SLC2A13: variants seen among roughly 807,000 people sequenced by gnomAD.
The protein encoded by SLC2A13 is solute carrier family 2 member 13, also known as proton myo-inositol cotransporter.
Under a neutral mutation model 64.4 loss-of-function variants are expected in SLC2A13, and 32 were observed. That is an observed-to-expected ratio of 0.50 (90% confidence interval 0.37 to 0.67). SLC2A13 has a LOEUF of 0.67. SLC2A13 is among the 30% of genes least tolerant of loss of function. The pLI, the probability that SLC2A13 is intolerant of heterozygous loss-of-function variation, is 0.00. For synonymous variants in SLC2A13, 338 were observed against 327.1 expected (o/e 1.03, Z -0.36); for missense variants, 743 against 829.2 (o/e 0.90, Z 1.28).
At chr12:40,038,913 AGTT>A (rs1429035234) in intron 2 of SLC2A13, among the ~76,000 whole-genome samples, 4 of 146,886 alleles carry the variant, frequency 2.7e-5, no homozygotes, top group Non-Finnish European at 6.0e-5. Flanking sequence ...TCTTTTATCT[AGTT>A]GTTCTATCGT....
chr12:39,979,618 A>G (rs1161008570), intron 3 of SLC2A13, among the ~76,000 whole-genome samples: 2 of 136,196 alleles, frequency 1.5e-5, no homozygotes, highest in African/African-American at 2.8e-5. Context: ...AGGGAAGTTT[A>G]GAGAAAAAAG....
chr12:39,834,349 G>C (rs747114384), intron 6 of SLC2A13, among the ~76,000 whole-genome samples: 3 of 151,968 alleles, frequency 2.0e-5, no homozygotes, highest in Non-Finnish European at 4.4e-5. Flanking sequence ...ATCCATATCT[G>C]TCCTCACCTC....
In SLC2A13 at chr12:40,024,880, G is replaced by A. The variant is rs478527; in HGVS notation, c.925+3421C>T. ...CAAACCTAAAAAGAAACTGAGGCGC[G>A]GCAACTCTCCCGAGATTCATTTAAG... is the stretch of plus-strand genomic sequence containing the variant. On this transcript the variant is annotated intron_variant, in intron 3 of 9. Transcript: ENST00000280871. Among the ~76,000 whole-genome samples the A allele has an allele frequency of 1.4e-3, 218 of 151,988 alleles. 1 individual carries two copies. Among genetic ancestry groups the A allele is most frequent in the African/African-American group, 4.9e-3 (202 of 41,470 alleles).
At chr12:40,027,017 T>G (rs1263670390) in intron 3 of SLC2A13, among the ~76,000 whole-genome samples, 4 of 151,512 alleles carry the variant, frequency 2.6e-5, no homozygotes, top group African/African-American at 9.7e-5. Flanking sequence ...GAGGCGGAGG[T>G]TGCAGTGAGC....
intron 1 of SLC2A13, among the ~76,000 whole-genome samples, chr12:40,097,154 C>T (rs1303457099): frequency 1.3e-5 from 2 of 152,080 alleles, no homozygotes; most frequent in South Asian, 2.1e-4. Context: ...TGTTTTAGAG[C>T]CTACTTTTTA....
intron 4 of SLC2A13, among the ~76,000 whole-genome samples, chr12:39,896,676 T>G (rs1409713504): frequency 6.6e-6 from 1 of 151,800 alleles, no homozygotes; most frequent in African/African-American, 2.4e-5. Flanking sequence ...GTTTAAATAT[T>G]AATATCCCTC....
At chr12:40,064,247 C>A (rs777887489) in intron 1 of SLC2A13, among the ~76,000 whole-genome samples, 20 of 151,736 alleles carry the variant, frequency 1.3e-4, no homozygotes, top group Non-Finnish European at 2.2e-4. Flanking sequence ...TGCCCTGTCT[C>A]TAAAATATAT....
intron 1 of SLC2A13, among the ~76,000 whole-genome samples, chr12:40,094,837 AT>A (rs2136300893): frequency 6.6e-6 from 1 of 152,376 alleles, no homozygotes; most frequent in South Asian, 2.1e-4. Context: ...AAGAAATTTT[AT>A]GAGACAAAAG....
At chr12:39,938,226 A>C (rs1464028820) in intron 4 of SLC2A13, among the ~76,000 whole-genome samples, 1 of 152,140 alleles carries the variant, frequency 6.6e-6, no homozygotes, top group Admixed American at 6.6e-5. Context: ...GGGAGGTATT[A>C]TAATTCCTGA....
At chr12:39,972,266 T>C (rs1946677380) in intron 3 of SLC2A13, among the ~76,000 whole-genome samples, 1 of 151,636 alleles carries the variant, frequency 6.6e-6, no homozygotes, top group Non-Finnish European at 1.5e-5. Context: ...ATGGCCAAAG[T>C]AGGGCAGGGA....
At chr12:39,968,758 TG>T (rs1946577697) in intron 3 of SLC2A13, among the ~76,000 whole-genome samples, 1 of 81,404 alleles carries the variant, frequency 1.2e-5, no homozygotes. Flanking sequence ...TGTTTTTTTT[TG>T]GTATATATAT....
chr12:40,058,082 T>TAGAC (rs1398770172), intron 1 of SLC2A13, among the ~76,000 whole-genome samples: 18 of 151,192 alleles, frequency 1.2e-4, no homozygotes, highest in African/African-American at 4.1e-4. Context: ...GATAGATAGA[T>TAGAC]AGATAGATTG....
intron 4 of SLC2A13, among the ~76,000 whole-genome samples, chr12:39,895,320 C>A (rs1250961828): frequency 3.3e-5 from 5 of 151,322 alleles, no homozygotes; most frequent in African/African-American, 1.2e-4. Flanking sequence ...GAAATCCCGT[C>A]TCTACTAAAA....
chr12:40,076,706 T>C (rs1010874976), intron 1 of SLC2A13, among the ~76,000 whole-genome samples: 4 of 152,146 alleles, frequency 2.6e-5, no homozygotes, highest in African/African-American at 4.8e-5. Flanking sequence ...AGTTCTGTTT[T>C]ACATTGAGAA....
At chr12:39,948,260 G>C (rs530453020) in intron 4 of SLC2A13, among the ~76,000 whole-genome samples, 38 of 152,224 alleles carry the variant, frequency 2.5e-4, no homozygotes, top group Admixed American at 5.9e-4. Flanking sequence ...GAACTTACAA[G>C]TCCTCCATTC....
intron 4 of SLC2A13, among the ~76,000 whole-genome samples, chr12:39,926,863 C>T (rs1407881468): frequency 6.6e-6 from 1 of 152,164 alleles, no homozygotes; most frequent in Non-Finnish European, 1.5e-5. Flanking sequence ...GATTCTCCTG[C>T]CTCGGCCTCC....
intron 3 of SLC2A13, among the ~76,000 whole-genome samples, chr12:40,022,230 C>T (rs1215810849): frequency 3.3e-5 from 5 of 152,180 alleles, no homozygotes; most frequent in Non-Finnish European, 7.3e-5. Context: ...CAACGTTCAC[C>T]CAGATTCCTA....
intron 7 of SLC2A13, among the ~76,000 whole-genome samples, chr12:39,806,048 G>A (rs1941970267): frequency 6.6e-6 from 1 of 152,180 alleles, no homozygotes; most frequent in Admixed American, 6.6e-5. Context: ...AAAGCTTACA[G>A]TGACAGCAAT....
intron 7 of SLC2A13, among the ~76,000 whole-genome samples, chr12:39,783,062 A>G (rs1941054508): frequency 6.6e-6 from 1 of 151,792 alleles, no homozygotes; most frequent in Non-Finnish European, 1.5e-5. Flanking sequence ...GATGTTCCCC[A>G]TCCTGTGTCC....
Sources: allele counts gnomAD v4.1 joint callset (sites outside exome capture counted in the v4.1 genomes callset), GRCh38; gene constraint gnomAD v4.1.1; transcripts MANE v1.5; gene names NCBI Gene and HGNC (gene_info 2026-07-23, HGNC 2026-07-21).